The following FRAS1 variants were observed in gnomAD, a reference collection of about 807,000 sequenced individuals.
FRAS1 encodes extracellular matrix organizing protein FRAS1.
A neutral mutation model predicts 435.2 loss-of-function variants in FRAS1; 290 were observed. The observed-to-expected ratio is 0.67, with a 90% CI of 0.61 to 0.73. FRAS1 has a LOEUF of 0.73. Ranked by LOEUF, FRAS1 falls within the 30% of genes least tolerant of loss-of-function variation. FRAS1 has a pLI of 0.00. For missense variants in FRAS1, 4,860 were observed against 5,001.5 expected (o/e 0.97, Z 0.85); for synonymous variants, 1,800 against 1,851.0 (o/e 0.97, Z 0.71).
At chr4:78,183,505 T>C (rs1722129111) in intron 2 of FRAS1, among the ~76,000 whole-genome samples, 1 of 152,046 alleles carries the variant, frequency 6.6e-6, no homozygotes, top group African/African-American at 2.4e-5. Flanking sequence ...GTCCAGAAAA[T>C]GTATTGTATT....
rs766296005 is a variant in FRAS1, at chr4:78,337,795, C to T, written c.2400C>T (p.Leu800=). Residue 800 remains leucine, a synonymous_variant, in exon 20 of 74, where the codon CTC becomes CTT. Transcript: ENST00000512123. ...CRTSCREEQF[L]NLVGYCADCH... ...CCAGCTGCAGGGAAGAGCAGTTCCT[C>T]AACCTCGTGGGATACTGTGCTGGTG... is the stretch of plus-strand genomic sequence containing the variant. 5.0e-6 allele frequency: 8 copies of T among 1,613,828 alleles called. No individual in the cohort carries two copies. The Admixed American group carries it at 6.7e-5, about 13-fold the overall frequency.
At chr4:78,091,242 C>A (rs1451346650) in intron 2 of FRAS1, among the ~76,000 whole-genome samples, 2 of 151,954 alleles carry the variant, frequency 1.3e-5, no homozygotes, top group East Asian at 1.9e-4. Flanking sequence ...ATTTAGGAAT[C>A]TCTCTTTTTT....
intron 2 of FRAS1, among the ~76,000 whole-genome samples, chr4:78,137,127 A>G (rs1473193910): frequency 6.6e-6 from 1 of 152,208 alleles, no homozygotes; most frequent in Non-Finnish European, 1.5e-5. Context: ...TGTGTTTTTT[A>G]CTGAACCTAA....
At chr4:78,166,691 T>C (rs1721345346) in intron 2 of FRAS1, among the ~76,000 whole-genome samples, 1 of 152,198 alleles carries the variant, frequency 6.6e-6, no homozygotes, top group African/African-American at 2.4e-5. Flanking sequence ...TTTCAACCAC[T>C]AGTAAAGTGC....
chr4:78,215,235 C>A (rs1421316355), intron 2 of FRAS1, among the ~76,000 whole-genome samples: 1 of 151,914 alleles, frequency 6.6e-6, no homozygotes, highest in African/African-American at 2.4e-5. Flanking sequence ...CTTGCTCTGT[C>A]GCCAGGCTGG....
At chr4:78,428,632 C>A (rs1413017742) in intron 35 of FRAS1, among the ~76,000 whole-genome samples, 1 of 152,070 alleles carries the variant, frequency 6.6e-6, no homozygotes, top group Non-Finnish European at 1.5e-5. Flanking sequence ...CAAAAGTATT[C>A]TTTTCTAATG....
intron 26 of FRAS1, among the ~76,000 whole-genome samples, chr4:78,377,190 C>T (rs567220693): frequency 2.8e-4 from 42 of 152,120 alleles, no homozygotes; most frequent in South Asian, 1.5e-3. Flanking sequence ...GAGAGTCGTT[C>T]GTCAAAAACA....
At chr4:78,302,161 A>G (rs1447861272) in intron 14 of FRAS1, among the ~76,000 whole-genome samples, 1 of 147,958 alleles carries the variant, frequency 6.8e-6, no homozygotes, top group African/African-American at 2.7e-5. Flanking sequence ...AATTTCATCC[A>G]TGTCCCTACA....
At chr4:78,406,901 A>G (rs1482218976) in intron 30 of FRAS1, among the ~76,000 whole-genome samples, 3 of 152,196 alleles carry the variant, frequency 2.0e-5, no homozygotes, top group African/African-American at 7.2e-5. Context: ...CAAAATCCAT[A>G]ACGTTGAAAG....
At chr4:78,285,883 T>G (rs1727565403) in intron 13 of FRAS1, among the ~76,000 whole-genome samples, 1 of 152,222 alleles carries the variant, frequency 6.6e-6, no homozygotes, top group South Asian at 2.1e-4. Context: ...GCTTTTATTA[T>G]TTTTGTAATT....
intron 2 of FRAS1, among the ~76,000 whole-genome samples, chr4:78,116,363 G>T (rs1395692253): frequency 6.6e-6 from 1 of 152,196 alleles, no homozygotes; most frequent in African/African-American, 2.4e-5. Context: ...GTGCAGAGCT[G>T]AGTTTAATTC....
chr4:78,292,386 A>T (rs183373175), intron 14 of FRAS1, among the ~76,000 whole-genome samples: 1 of 152,238 alleles, frequency 6.6e-6, no homozygotes, highest in African/African-American at 2.4e-5. Context: ...TATTTAGAGG[A>T]AAAGTTTATA....
chr4:78,124,061 A>G (rs1325728648), intron 2 of FRAS1, among the ~76,000 whole-genome samples: 2 of 152,186 alleles, frequency 1.3e-5, no homozygotes, highest in Non-Finnish European at 2.9e-5. Context: ...CAGTTTTCAA[A>G]GGGAATGCTT....
In FRAS1 at chr4:78,432,584, A is replaced by G. The variant is rs1313680094; in HGVS notation, c.5197A>G (p.Arg1733Gly). ...CAGTAAAAGCACAGCCATAATCACTAGGTCACACCTTGCTTACGTGGTAAG... is the reference window on the plus strand; with the variant it reads ...CAGTAAAAGCACAGCCATAATCACTGGGTCACACCTTGCTTACGTGGTAAG... ...VASKSTAIITRSHLAYVDDSS... is the reference protein window; with the variant it reads ...VASKSTAIITGSHLAYVDDSS... Residue 1733 changes from arginine to glycine, a missense_variant, in exon 38 of 74, where the codon AGG (arginine) becomes GGG (glycine). Transcript: ENST00000512123. 3 of 1,594,062 alleles carry G rather than the reference A, an allele frequency of 1.9e-6. No homozygotes were observed. Among genetic ancestry groups the G allele is most frequent in the South Asian group, 2.3e-5 (2 of 88,006 alleles).
At chr4:78,263,352 G>A (rs1346339784) in intron 6 of FRAS1, among the ~76,000 whole-genome samples, 1 of 152,184 alleles carries the variant, frequency 6.6e-6, no homozygotes, top group Non-Finnish European at 1.5e-5. Context: ...TCAATACAAT[G>A]TATAATTAGA....
chr4:78,468,576 TG>T (rs951388525), intron 50 of FRAS1, among the ~76,000 whole-genome samples: 19 of 152,202 alleles, frequency 1.2e-4, no homozygotes, highest in African/African-American at 4.6e-4. Flanking sequence ...GTTGTGCAAC[TG>T]TCAAGCTTTA....
At chr4:78,193,843 G>A (rs1350228228) in intron 2 of FRAS1, among the ~76,000 whole-genome samples, 1 of 152,188 alleles carries the variant, frequency 6.6e-6, no homozygotes, top group Non-Finnish European at 1.5e-5. Context: ...TTGCTTGTTA[G>A]TTGATGCAGT....
intron 19 of FRAS1, among the ~76,000 whole-genome samples, chr4:78,335,145 G>A (rs778359347): frequency 1.7e-4 from 26 of 152,104 alleles, no homozygotes; most frequent in Non-Finnish European, 3.1e-4. Flanking sequence ...CCCTCTTAAT[G>A]AGGTACTGCT....
intron 14 of FRAS1, among the ~76,000 whole-genome samples, chr4:78,288,320 A>G (rs183354522): frequency 1.3e-5 from 2 of 152,306 alleles, no homozygotes; most frequent in African/African-American, 4.8e-5. Context: ...TGCTCGTGAC[A>G]GATTTGCCTT....
Sources: allele counts gnomAD v4.1 joint callset (sites outside exome capture counted in the v4.1 genomes callset), GRCh38; gene constraint gnomAD v4.1.1; transcripts MANE v1.5; gene names NCBI Gene and HGNC (gene_info 2026-07-23, HGNC 2026-07-21).